CCDC149: variants seen among roughly 807,000 people sequenced by gnomAD.
CCDC149 encodes the protein coiled-coil domain containing 149, also known as coiled-coil domain-containing protein 149.
A neutral mutation model predicts 59.9 loss-of-function variants in CCDC149; 45 were observed. The ratio of observed to expected loss-of-function variants is 0.75; its 90% CI spans 0.59 to 0.96. The LOEUF (loss-of-function observed/expected upper bound fraction) is 0.96. Ranked by LOEUF, CCDC149 falls within the 40% of genes least tolerant of loss-of-function variation. The pLI, the probability that CCDC149 is intolerant of heterozygous loss-of-function variation, is 0.00. For missense variants in CCDC149, 584 were observed against 664.7 expected, an observed-to-expected ratio of 0.88 and a Z score of 1.33; for synonymous variants, 245 against 260.6, an observed-to-expected ratio of 0.94 and a Z score of 0.58.
chr4:24,808,420 C>T lies in CCDC149; in HGVS notation c.1592G>A (p.Gly531Asp). The T allele has an allele frequency of 1.4e-6, 2 of 1,458,642 alleles. No individual in the cohort carries two copies. The highest frequency in any genetic ancestry group is 1.8e-6 in the Non-Finnish European group (2 of 1,104,428). 90.4% of individuals were successfully genotyped at this position (1,458,642 alleles called of 1,614,324 possible). A position where few individuals can be genotyped will look rare whatever the true frequency, so the allele number is the denominator to read the frequency against. The change falls in exon 13 of 13, where the codon GGC becomes GAC. Residue 531 changes from glycine to aspartate, a missense_variant. By Grantham distance (94) the Gly-to-Asp change is moderately conservative. Coordinates refer to ENST00000635206, the MANE Select transcript of CCDC149 (RefSeq NM_001330643.2). The stretch of plus-strand genomic sequence containing the variant: ...TTTCACGGTGCTCCTCATGCCTCCG[C>T]CCTCTGGGATCCCTTTGCCGTCTTC...
intron 1 of CCDC149, among the ~76,000 whole-genome samples, chr4:24,953,169 G>C (rs1723363755): frequency 6.6e-6 from 1 of 152,148 alleles, no homozygotes; most frequent in African/African-American, 2.4e-5. Flanking sequence ...GAATTGAAGG[G>C]ATACCACTTC....
intron 1 of CCDC149, among the ~76,000 whole-genome samples, chr4:24,885,343 G>A (rs1335339278): frequency 6.6e-6 from 1 of 152,206 alleles, no homozygotes; most frequent in Non-Finnish European, 1.5e-5. Flanking sequence ...AGCTTGAGAA[G>A]AGAAGAGAAA....
At chr4:24,924,640 G>T (rs1722386243) in intron 1 of CCDC149, among the ~76,000 whole-genome samples, 1 of 152,230 alleles carries the variant, frequency 6.6e-6, no homozygotes, top group Admixed American at 6.5e-5. Context: ...TAGCACAGCT[G>T]CTTCAGGGTA....
intron 4 of CCDC149, among the ~76,000 whole-genome samples, chr4:24,842,582 G>T (rs1342057485): frequency 6.6e-6 from 1 of 152,222 alleles, no homozygotes; most frequent in East Asian, 1.9e-4. Context: ...GATTTAGATA[G>T]AAATAAATGT....
chr4:24,979,278 C>T (rs1454353197), intron 1 of CCDC149, among the ~76,000 whole-genome samples: 4 of 152,128 alleles, frequency 2.6e-5, no homozygotes, highest in East Asian at 1.9e-4. Flanking sequence ...CTTGGGTGTA[C>T]ACCACCAGGA....
intron 1 of CCDC149, among the ~76,000 whole-genome samples, chr4:24,927,545 A>C (rs1243768861): frequency 6.6e-6 from 1 of 152,250 alleles, no homozygotes; most frequent in Non-Finnish European, 1.5e-5. Flanking sequence ...AATCTTCATA[A>C]AAATAGTTGT....
At chr4:24,809,035 C>T (rs1279544606) in intron 12 of CCDC149, among the ~76,000 whole-genome samples, 1 of 152,196 alleles carries the variant, frequency 6.6e-6, no homozygotes, top group Admixed American at 6.5e-5. Flanking sequence ...GCATTATTAA[C>T]AGAGGGCAAG....
At chr4:24,943,065 A>C (rs1057184944) in intron 1 of CCDC149, among the ~76,000 whole-genome samples, 1 of 151,598 alleles carries the variant, frequency 6.6e-6, no homozygotes, top group African/African-American at 2.4e-5. Context: ...TTCATATGGA[A>C]CCAAAAAAGA....
At chr4:24,871,528 G>A (rs113006087) in intron 3 of CCDC149, among the ~76,000 whole-genome samples, 24 of 152,298 alleles carry the variant, frequency 1.6e-4, no homozygotes, top group African/African-American at 3.1e-4. Context: ...ATAAAAAGCC[G>A]TCATTTAGGG....
chr4:24,959,270 G>A (rs887765475), intron 1 of CCDC149, among the ~76,000 whole-genome samples: 3 of 151,526 alleles, frequency 2.0e-5, no homozygotes, highest in Non-Finnish European at 4.4e-5. Flanking sequence ...CACTGCGCCC[G>A]GTCAAAAAAA....
At chr4:24,850,850 TG>T (rs1306432524) in intron 4 of CCDC149, among the ~76,000 whole-genome samples, 20 of 151,854 alleles carry the variant, frequency 1.3e-4, no homozygotes, top group Non-Finnish European at 1.5e-5. Flanking sequence ...TGGCCTCTGG[TG>T]GGGGTTGGGG....
intron 3 of CCDC149, among the ~76,000 whole-genome samples, chr4:24,856,573 C>T (rs800472): frequency 0.79 from 119,728 of 152,160 alleles, 47,123 homozygotes; most frequent in East Asian, 0.91. Flanking sequence ...GGGGAAAAGG[C>T]AAACAGGCTT....
At chr4:24,880,239 A>G (rs1719757438) in intron 1 of CCDC149, among the ~76,000 whole-genome samples, 1 of 152,226 alleles carries the variant, frequency 6.6e-6, no homozygotes, top group African/African-American at 2.4e-5. Context: ...ATTGCCTTGT[A>G]TTCAGTACAG....
intron 1 of CCDC149, among the ~76,000 whole-genome samples, chr4:24,954,814 C>G (rs1305322452): frequency 6.6e-6 from 1 of 152,182 alleles, no homozygotes; most frequent in Admixed American, 6.5e-5. Flanking sequence ...ATGAATAGCA[C>G]CTGGGTGCTT....
Position 24,839,032 on chromosome 4 carries a change from A to T in CCDC149, c.373-760T>A, listed in dbSNP as rs868749829. Among the ~76,000 whole-genome samples the T allele has an allele frequency of 3.8e-3, 348 of 92,336 alleles. 1 individual carries two copies. The highest frequency in any genetic ancestry group is 0.01 in the African/African-American group (258 of 24,906). The allele number at this position is 92,336 out of a possible 152,430, so 60.6% of individuals were successfully genotyped here. A position where few individuals can be genotyped will look rare whatever the true frequency, so the allele number is the denominator to read the frequency against. On this transcript the variant is annotated intron_variant, in intron 4 of 12. Coordinates refer to ENST00000635206, the MANE Select transcript of CCDC149 (RefSeq NM_001330643.2). ...CTCTCTCTCTCTCTCTCTCTCTCAC[A>T]CACACACACACACACACACACACAC...
intron 3 of CCDC149, among the ~76,000 whole-genome samples, chr4:24,862,491 C>T (rs888354218): frequency 1.2e-4 from 19 of 152,258 alleles, no homozygotes; most frequent in African/African-American, 4.1e-4. Context: ...CCTGGCTACT[C>T]GCTGTGGTTT....
chr4:24,924,568 A>G (rs1402440822), intron 1 of CCDC149, among the ~76,000 whole-genome samples: 1 of 152,192 alleles, frequency 6.6e-6, no homozygotes, highest in Non-Finnish European at 1.5e-5. Context: ...GAGGACCCAA[A>G]GACTAGGACT....
intron 3 of CCDC149, among the ~76,000 whole-genome samples, chr4:24,865,293 A>G (rs1718630326): frequency 6.6e-6 from 1 of 152,226 alleles, no homozygotes. Flanking sequence ...AATATAGGAA[A>G]GTACTAGATT....
At chr4:24,829,838 T>G (rs1010353879) in intron 9 of CCDC149, 1 of 152,308 alleles carries the variant, frequency 6.6e-6, no homozygotes, top group Non-Finnish European at 1.5e-5. Context: ...GGAATACATT[T>G]AGACAGGGTG....
Sources: gnomAD v4.1 joint callset for allele counts (sites outside exome capture counted in the v4.1 genomes callset) on GRCh38, gnomAD v4.1.1 for gene constraint, MANE v1.5 for transcripts, NCBI Gene and HGNC (gene_info 2026-07-23, HGNC 2026-07-21) for gene names.